LIN28B: variants seen among roughly 807,000 people sequenced by gnomAD.
LIN28B encodes lin-28 RNA binding posttranscriptional regulator B, also known as protein lin-28 homolog B.
LIN28B carries 5 observed loss-of-function variants against 21.9 expected under a neutral mutation model. That is an observed-to-expected ratio of 0.23 (90% CI 0.12 to 0.48). The LOEUF is 0.48. Ranked by LOEUF, LIN28B falls within the 20% of genes least tolerant of loss-of-function variation. The pLI is 0.98. For missense variants in LIN28B, 245 were observed against 310.5 expected (o/e 0.79, Z 1.58); for synonymous variants, 109 against 111.3 (o/e 0.98, Z 0.13).
intron 3 of LIN28B, among the ~76,000 whole-genome samples, chr6:105,055,884 C>G (rs1450941619): frequency 6.6e-6 from 1 of 150,504 alleles, no homozygotes; most frequent in African/African-American, 2.4e-5. Flanking sequence ...CCTCCCATCT[C>G]AGCCTCCTGA....
intron 2 of LIN28B, chr6:104,941,357 C>T (rs1011556560): frequency 6.6e-6 from 1 of 151,598 alleles, no homozygotes; most frequent in African/African-American, 2.4e-5. Context: ...GCTGGGTCGG[C>T]GCCCGGTGTG....
chr6:105,016,262 C>CT (rs1432680162), intron 2 of LIN28B, among the ~76,000 whole-genome samples: 2 of 151,998 alleles, frequency 1.3e-5, no homozygotes, highest in Non-Finnish European at 2.9e-5. Flanking sequence ...ACAAAATACT[C>CT]TATCATAAAA....
chr6:105,037,307 T>C (rs985082764), intron 3 of LIN28B, among the ~76,000 whole-genome samples: 7 of 152,206 alleles, frequency 4.6e-5, no homozygotes, highest in Non-Finnish European at 5.9e-5. Context: ...AGCTAGACTT[T>C]TTAAATTCTA....
intron 2 of LIN28B, among the ~76,000 whole-genome samples, chr6:104,964,953 A>G (rs539481770): frequency 2.6e-5 from 4 of 152,300 alleles, no homozygotes; most frequent in African/African-American, 9.6e-5. Context: ...AGTAATACCT[A>G]ACTTTTAAAG....
At chr6:105,024,701 G>C (rs1452152630) in intron 2 of LIN28B, among the ~76,000 whole-genome samples, 2 of 152,160 alleles carry the variant, frequency 1.3e-5, no homozygotes, top group Non-Finnish European at 2.9e-5. Context: ...TAATAACCCT[G>C]TTTTCATGGG....
At chr6:104,998,517 CT>C (rs1164798787) in intron 2 of LIN28B, among the ~76,000 whole-genome samples, 5 of 152,014 alleles carry the variant, frequency 3.3e-5, no homozygotes, top group Admixed American at 3.3e-4. Context: ...TATTTAACTA[CT>C]TTTTTCTCTC....
chr6:104,941,375 C>G (rs573463208), intron 2 of LIN28B: 1 of 147,192 alleles, frequency 6.8e-6, no homozygotes, highest in East Asian at 2.1e-4. Context: ...GTGGGCACTG[C>G]GTTGCCACAG....
rs78647131 is a variant in LIN28B at position 104,980,151 on chromosome 6, G to A, written c.198+21865G>A. ...TAGAGATCAGTTTCACTCCTAAAAT[G>A]TATTTAAAATTCCGTAATGTAGTTT... On this transcript the variant is annotated intron_variant, in intron 2 of 3. Coordinates refer to ENST00000345080, the MANE Select transcript of LIN28B (RefSeq NM_001004317.4). Among the ~76,000 whole-genome samples, 15 of 152,258 alleles carry A rather than the reference G, an allele frequency of 9.9e-5. No homozygotes were observed. In the East Asian group the frequency reaches 2.5e-3, roughly 25 times the overall value.
At chr6:105,051,790 A>G (rs915264042) in intron 3 of LIN28B, among the ~76,000 whole-genome samples, 46 of 152,222 alleles carry the variant, frequency 3.0e-4, no homozygotes, top group African/African-American at 9.9e-4. Context: ...TGGACCAGGT[A>G]CTGTTCTAGG....
intron 2 of LIN28B, among the ~76,000 whole-genome samples, chr6:105,012,163 AAAAAT>A (rs767054836): frequency 2.6e-5 from 4 of 151,472 alleles, no homozygotes; most frequent in Admixed American, 1.3e-4. Context: ...GTCTCAAACA[AAAAAT>A]AAAATAAACC....
intron 3 of LIN28B, among the ~76,000 whole-genome samples, chr6:105,051,779 A>G (rs1211955047): frequency 2.0e-5 from 3 of 152,152 alleles, no homozygotes; most frequent in African/African-American, 7.2e-5. Context: ...AGTACCTGCC[A>G]TGGACCAGGT....
intron 3 of LIN28B, among the ~76,000 whole-genome samples, chr6:105,072,298 A>ATC (rs1772347587): frequency 6.6e-6 from 1 of 152,136 alleles, no homozygotes; most frequent in African/African-American, 2.4e-5. Flanking sequence ...GTAGTTCCCA[A>ATC]TTCATAGGCT....
rs143874861 is a variant in LIN28B, at chr6:105,011,261, C to T, written c.199-15037C>T. On this transcript the variant is annotated intron_variant, in intron 2 of 3. Transcript: ENST00000345080. ...CTGGAGTGCAGTGGCATGATCATGG[C>T]TCACTGCAGCCTCTGTCTCCCTGGG... Among the ~76,000 whole-genome samples, 334 of 152,276 alleles carry T rather than the reference C, an allele frequency of 2.2e-3. 1 individual carries two copies. Among genetic ancestry groups the T allele is most frequent in the African/African-American group, 7.7e-3 (322 of 41,554 alleles).
In LIN28B at chr6:104,938,763, G is replaced by C. The variant is rs531221937; in HGVS notation, c.18+1647G>C. On this transcript the variant is annotated intron_variant, in intron 2 of 5. Coordinates refer to the LIN28B transcript ENST00000635857. ...ATGCTAACATACTCCTTAATGCTTA[G>C]CCTATCAATGTTCATCATCGCCCCT... Among the ~76,000 whole-genome samples the C allele has an allele frequency of 3.9e-5, 6 of 152,040 alleles. No homozygotes were observed. In the East Asian group the frequency reaches 1.2e-3, roughly 29 times the overall value.
chr6:105,012,619 C>T (rs1400184244), intron 2 of LIN28B, among the ~76,000 whole-genome samples: 7 of 152,204 alleles, frequency 4.6e-5, no homozygotes, highest in Non-Finnish European at 1.5e-5. Flanking sequence ...AAACCCTTCT[C>T]AGTTTTTGAC....
chr6:104,958,154 G>A lies in LIN28B; in HGVS notation c.66G>A (p.Glu22=), dbSNP rs755516547. The A allele has an allele frequency of 1.2e-6, 2 of 1,607,082 alleles. No homozygotes were observed. The highest frequency in any genetic ancestry group is 1.7e-6 in the Non-Finnish European group (2 of 1,174,732). Residue 22 remains glutamate, a synonymous_variant, in exon 2 of 4, where the codon GAG becomes GAA. Transcript: ENST00000345080. ...CCGGGAAGCTGCCGGAGCCGGCAGA[G>A]GAGGAATCCCAGGTTTTGCGCGGAA... is the stretch of plus-strand genomic sequence containing the variant. The part of the protein sequence containing the change: ...EEPGKLPEPA[E]EESQVLRGTG...
chr6:105,060,722 A>T (rs1033829247), intron 3 of LIN28B, among the ~76,000 whole-genome samples: 7 of 152,202 alleles, frequency 4.6e-5, no homozygotes, highest in African/African-American at 1.7e-4. Context: ...CATTTCTTTG[A>T]GCCAACCAGG....
upstream of LIN28B, among the ~76,000 whole-genome samples, chr6:104,956,331 T>C (rs1264735912): frequency 3.3e-5 from 5 of 152,084 alleles, no homozygotes; most frequent in Non-Finnish European, 7.4e-5. Context: ...GGGCTGTTAT[T>C]TAGGAAGTCA....
In LIN28B at chr6:105,054,511, A is replaced by G. The variant is rs535275506; in HGVS notation, c.384-23903A>G. Among the ~76,000 whole-genome samples, 11 of 152,330 alleles carry G rather than the reference A, an allele frequency of 7.2e-5. No individual in the cohort carries two copies. In the South Asian group the frequency reaches 1.0e-3, roughly 14 times the overall value. The stretch of plus-strand genomic sequence containing the variant: ...TCTAGTTTTATTTATTACTTTCTGT[A>G]GATCTATCTTTATCCCCATTTCACC... On this transcript the variant is annotated intron_variant, in intron 3 of 3. Transcript: ENST00000345080.
Sources: gnomAD v4.1 joint callset for allele counts (sites outside exome capture counted in the v4.1 genomes callset) on GRCh38, gnomAD v4.1.1 for gene constraint, MANE v1.5 for transcripts, NCBI Gene and HGNC (gene_info 2026-07-23, HGNC 2026-07-21) for gene names.